The following FSD1L variants were observed in gnomAD, a reference collection of about 807,000 sequenced individuals.
FSD1L encodes the protein fibronectin type III and SPRY domain containing 1 like.
FSD1L carries 45 observed loss-of-function variants against 71.6 expected under a neutral mutation model. That is an observed-to-expected ratio of 0.63 (90% CI 0.49 to 0.81). FSD1L has a LOEUF of 0.81. FSD1L is among the 30% of genes least tolerant of loss of function. FSD1L has a pLI of 0.00. For missense variants in FSD1L, 561 were observed against 618.1 expected, an observed-to-expected ratio of 0.91 and a Z score of 0.98; for synonymous variants, 197 against 207.2, an observed-to-expected ratio of 0.95 and a Z score of 0.42.
intron 2 of FSD1L, 68 bp downstream of exon 2, chr9:105,461,683 G>A: frequency 2.2e-6 from 2 of 916,892 alleles, no homozygotes; most frequent in African/African-American, 3.3e-5. Context: ...GCATTTAGAT[G>A]TCTTTGACTA....
intron 10 of FSD1L, chr9:105,522,876 C>A: frequency 1.2e-6 from 2 of 1,606,892 alleles, no homozygotes; most frequent in Non-Finnish European, 1.7e-6. Flanking sequence ...CCCTGATATT[C>A]TAAACAAGCA....
intron 10 of FSD1L, chr9:105,520,570 C>G (rs1328023568): frequency 7.3e-6 from 10 of 1,363,740 alleles, no homozygotes; most frequent in Non-Finnish European, 1.0e-5. Context: ...ATGGCAGTTT[C>G]ATAATATTGG....
rs559447214 is a variant in FSD1L at position 105,520,700 on chromosome 9, G to C, written c.1025+7764G>C. On this transcript the variant is annotated intron_variant, in intron 10 of 13. Transcript: ENST00000481272. ...ATAACTGTAGCAAAGAACAGCTCTGGATGTTTTCATGCTTAATCCCTGGAT... is the reference window on the plus strand; with the variant it reads ...ATAACTGTAGCAAAGAACAGCTCTGCATGTTTTCATGCTTAATCCCTGGAT... 5.0e-6 allele frequency: 8 copies of C among 1,613,298 alleles called. No homozygotes were observed. The African/African-American group carries it at 8.0e-5, about 16-fold the overall frequency.
chr9:105,503,344 C>T (rs932733726), intron 7 of FSD1L, among the ~76,000 whole-genome samples: 5 of 152,060 alleles, frequency 3.3e-5, no homozygotes, highest in East Asian at 1.9e-4. Context: ...ATAATGTATC[C>T]TATAGTACAT....
At chr9:105,492,228 A>G (rs913797897) in intron 7 of FSD1L, among the ~76,000 whole-genome samples, 7 of 152,034 alleles carry the variant, frequency 4.6e-5, no homozygotes, top group African/African-American at 1.5e-4. Context: ...TAGTCTTGGG[A>G]GGGTGTATGT....
intron 1 of FSD1L, among the ~76,000 whole-genome samples, chr9:105,451,292 A>G (rs1829987989): frequency 6.6e-6 from 1 of 152,220 alleles, no homozygotes; most frequent in East Asian, 1.9e-4. Flanking sequence ...CTTTTCTGCT[A>G]TTATATCTGT....
chr9:105,457,608 C>T (rs1013175242), intron 1 of FSD1L, among the ~76,000 whole-genome samples: 2 of 152,220 alleles, frequency 1.3e-5, no homozygotes, highest in African/African-American at 4.8e-5. Flanking sequence ...GTTTCTTAAC[C>T]AGCTAGAAAC....
intron 8 of FSD1L, among the ~76,000 whole-genome samples, chr9:105,507,683 A>C (rs1184612401): frequency 6.6e-6 from 1 of 152,186 alleles, no homozygotes; most frequent in Non-Finnish European, 1.5e-5. Context: ...CATAAATATA[A>C]AAATTATTTA....
At chr9:105,491,982 C>A (rs1018967473) in intron 7 of FSD1L, among the ~76,000 whole-genome samples, 9 of 151,830 alleles carry the variant, frequency 5.9e-5, no homozygotes, top group South Asian at 2.1e-4. Flanking sequence ...TGTCTCTGCC[C>A]GGCTTTGGTA....
chr9:105,516,838 A>G (rs1834757560), intron 10 of FSD1L, among the ~76,000 whole-genome samples: 1 of 152,242 alleles, frequency 6.6e-6, no homozygotes, highest in Admixed American at 6.5e-5. Flanking sequence ...ACGAATTGAC[A>G]GAAGTAGGCT....
chr9:105,473,947 G>T (rs191543645), intron 5 of FSD1L, among the ~76,000 whole-genome samples: 1 of 152,092 alleles, frequency 6.6e-6, no homozygotes. Context: ...ATGCCACTTC[G>T]CTTATTCTTA....
intron 12 of FSD1L, among the ~76,000 whole-genome samples, chr9:105,535,613 T>C (rs1004270893): frequency 6.6e-6 from 1 of 152,198 alleles, no homozygotes; most frequent in Non-Finnish European, 1.5e-5. Context: ...TTCCTTACCA[T>C]GTTTTATTAC....
At chr9:105,495,440 C>G (rs1833307494) in intron 7 of FSD1L, among the ~76,000 whole-genome samples, 1 of 152,196 alleles carries the variant, frequency 6.6e-6, no homozygotes, top group Non-Finnish European at 1.5e-5. Context: ...ACTCCCTGAC[C>G]CCTTGCTCTT....
chr9:105,507,403 C>T (rs1366675051), intron 8 of FSD1L, among the ~76,000 whole-genome samples: 3 of 152,118 alleles, frequency 2.0e-5, no homozygotes, highest in Non-Finnish European at 2.9e-5. Context: ...TGAGCAGTTA[C>T]CATTTATCAG....
intron 10 of FSD1L, chr9:105,520,893 C>T (rs1463268375): frequency 3.1e-6 from 5 of 1,612,080 alleles, no homozygotes; most frequent in Non-Finnish European, 3.4e-6. Context: ...TCTTGAAGCA[C>T]TTCTAAAATA....
chr9:105,468,111 TTCTC>T, intron 3 of FSD1L, 78 bp from the exon 4 acceptor site: 1 of 892,698 alleles, frequency 1.1e-6, no homozygotes, highest in Non-Finnish European at 1.5e-6. Context: ...TATAAATTTA[TTCTC>T]TCTTTTGGGC....
intron 7 of FSD1L, among the ~76,000 whole-genome samples, chr9:105,493,004 T>G (rs1833066901): frequency 6.6e-6 from 1 of 152,214 alleles, no homozygotes; most frequent in African/African-American, 2.4e-5. Flanking sequence ...GTTCTGTAGA[T>G]GTCTATTAGG....
intron 7 of FSD1L, among the ~76,000 whole-genome samples, chr9:105,491,005 A>G (rs1311666568): frequency 2.6e-5 from 4 of 151,486 alleles, no homozygotes; most frequent in African/African-American, 9.7e-5. Context: ...TTTTGGTTCC[A>G]TATGAACTTT....
At chr9:105,443,778 A>G (rs1829583318), upstream of FSD1L, among the ~76,000 whole-genome samples, 1 of 152,210 alleles carries the variant, frequency 6.6e-6, no homozygotes, top group Non-Finnish European at 1.5e-5. Flanking sequence ...TTAAAAAAAA[A>G]TCAGAATTAG....
Sources: gnomAD v4.1 joint callset for allele counts (sites outside exome capture counted in the v4.1 genomes callset) on GRCh38, gnomAD v4.1.1 for gene constraint, MANE v1.5 for transcripts, NCBI Gene and HGNC (gene_info 2026-07-23, HGNC 2026-07-21) for gene names.